Variants in TENM4 observed in about 807,000 individuals in gnomAD.
The protein encoded by TENM4 is teneurin transmembrane protein 4, also known as teneurin-4.
TENM4 carries 82 observed loss-of-function variants against 243.3 expected under a neutral mutation model. The observed-to-expected ratio is 0.34, with a 90% CI of 0.28 to 0.40. The LOEUF (loss-of-function observed/expected upper bound fraction) is 0.40. TENM4 is among the 10% of genes least tolerant of loss of function. TENM4 has a pLI of 1.00. For synonymous variants in TENM4, 1,412 were observed against 1,456.3 expected, an observed-to-expected ratio of 0.97 and a Z score of 0.69; for missense variants, 3,138 against 3,673.3, an observed-to-expected ratio of 0.85 and a Z score of 3.77.
At chr11:79,162,009 G>A (rs1404919047) in intron 3 of TENM4, among the ~76,000 whole-genome samples, 1 of 152,188 alleles carries the variant, frequency 6.6e-6, no homozygotes, top group African/African-American at 2.4e-5. Flanking sequence ...GTGGGAGAAG[G>A]AACCGGACCT....
At chr11:79,096,926 G>GCGCGCA (rs1680716275) in intron 4 of TENM4, 1 of 124,350 alleles carries the variant, frequency 8.0e-6, no homozygotes, top group African/African-American at 3.5e-5. Context: ...GCGCGCGCGC[G>GCGCGCA]CGCACACACA....
rs1858166273 is a variant in TENM4, at chr11:78,996,083, T to G, written c.493+68655A>C. Reference sequence around the variant, plus strand: ...TTTCCTTAGGAACAGCCTCAAAAACTAGGGGGAATGGCAGTGGATTTTAAA... The same window carrying G: ...TTTCCTTAGGAACAGCCTCAAAAACGAGGGGGAATGGCAGTGGATTTTAAA... On this transcript the variant is annotated intron_variant, in intron 6 of 33. Transcript: ENST00000278550. Among the ~76,000 whole-genome samples, 3 of 152,242 alleles carry G rather than the reference T, an allele frequency of 2.0e-5. No individual in the cohort carries two copies. The South Asian group carries it at 6.2e-4, about 32-fold the overall frequency.
chr11:79,207,533 G>T (rs1359182356), intron 3 of TENM4, among the ~76,000 whole-genome samples: 2 of 152,142 alleles, frequency 1.3e-5, no homozygotes, highest in African/African-American at 4.8e-5. Flanking sequence ...ACCAGAGCCT[G>T]AGCTCCCTGC....
chr11:78,747,776 T>C (rs759828793), intron 19 of TENM4, among the ~76,000 whole-genome samples: 4 of 152,262 alleles, frequency 2.6e-5, no homozygotes, highest in Non-Finnish European at 5.9e-5. Flanking sequence ...ATATTAGTAA[T>C]GTGAAACATG....
intron 1 of TENM4, among the ~76,000 whole-genome samples, chr11:79,436,786 T>C (rs1029434630): frequency 6.6e-6 from 1 of 152,172 alleles, no homozygotes; most frequent in African/African-American, 2.4e-5. Context: ...GAAAACAAGA[T>C]GAGAGCAGAG....
At position 79,226,664 on chromosome 11, in the gene TENM4, A is replaced by C. The variant is rs569127078; in HGVS notation, c.-264-10755T>G. ...CAAGATCCTAGCTCTTCTCTGAAGGACTAGGGACAGCAATGATACTCCTGA... is the reference window on the plus strand; with the variant it reads ...CAAGATCCTAGCTCTTCTCTGAAGGCCTAGGGACAGCAATGATACTCCTGA... On this transcript the variant is annotated intron_variant, in intron 2 of 33. Transcript: ENST00000278550. Among the ~76,000 whole-genome samples the C allele has an allele frequency of 3.9e-5, 6 of 152,302 alleles. No individual in the cohort carries two copies. In the South Asian group the frequency reaches 1.2e-3, roughly 32 times the overall value.
chr11:78,982,951 C>A (rs1270784053), intron 6 of TENM4, among the ~76,000 whole-genome samples: 1 of 152,202 alleles, frequency 6.6e-6, no homozygotes, highest in Non-Finnish European at 1.5e-5. Flanking sequence ...CAGTTACTGA[C>A]CACACAGTGG....
intron 3 of TENM4, among the ~76,000 whole-genome samples, chr11:79,202,503 C>G (rs1022482169): frequency 2.6e-5 from 4 of 152,222 alleles, no homozygotes; most frequent in Non-Finnish European, 5.9e-5. Context: ...TAAATAAACT[C>G]ACATAGTTCA....
Position 79,136,733 on chromosome 11 carries a change from C to T in TENM4, c.-66+11977G>A, listed in dbSNP as rs183589828. Among the ~76,000 whole-genome samples the T allele has an allele frequency of 2.0e-4, 31 of 152,256 alleles. 1 individual carries two copies. Among genetic ancestry groups the T allele is most frequent in the Admixed American group, 2.0e-3 (30 of 15,284 alleles). ...CCATGGACTCACAGAATGCCTTATC[C>T]ACTGTCATGGTATTCCACTCAGCAT... is the stretch of plus-strand genomic sequence containing the variant. On this transcript the variant is annotated intron_variant, in intron 4 of 33. Coordinates refer to ENST00000278550, the MANE Select transcript of TENM4 (RefSeq NM_001098816.3).
At chr11:79,251,804 G>GA (rs1424330904) in intron 2 of TENM4, among the ~76,000 whole-genome samples, 2 of 138,630 alleles carry the variant, frequency 1.4e-5, no homozygotes, top group Admixed American at 6.9e-5. Flanking sequence ...AATAAAACTC[G>GA]AAAAAATGAA....
Position 78,811,941 on chromosome 11 carries a change from G to A in TENM4, c.1978+181C>T, listed in dbSNP as rs140224204. Reference sequence around the variant, plus strand: ...TCTCCCCTTCATTGACCAGGACTCCGATGTGTTTGGCCTCTTCCTTTGGAT... The same window carrying A: ...TCTCCCCTTCATTGACCAGGACTCCAATGTGTTTGGCCTCTTCCTTTGGAT... On this transcript the variant is annotated intron_variant, in intron 14 of 33. Transcript: ENST00000278550. Among the ~76,000 whole-genome samples, 3 of 152,328 alleles carry A rather than the reference G, an allele frequency of 2.0e-5. No individual in the cohort carries two copies. The East Asian group carries it at 5.8e-4, about 29-fold the overall frequency.
intron 1 of TENM4, among the ~76,000 whole-genome samples, chr11:79,328,342 GTTC>G (rs1857007578): frequency 6.6e-6 from 1 of 152,112 alleles, no homozygotes; most frequent in South Asian, 2.1e-4. Flanking sequence ...CTCTAACATT[GTTC>G]TTCTTCCTTC....
chr11:79,371,465 A>G (rs1489216980), intron 1 of TENM4, among the ~76,000 whole-genome samples: 1 of 152,212 alleles, frequency 6.6e-6, no homozygotes, highest in Non-Finnish European at 1.5e-5. Context: ...GGGCCAAGAC[A>G]AGATCCTAAC....
chr11:79,073,004 G>C (rs1433405648), intron 4 of TENM4, among the ~76,000 whole-genome samples: 1 of 152,118 alleles, frequency 6.6e-6, no homozygotes, highest in Non-Finnish European at 1.5e-5. Flanking sequence ...CTGTGATATA[G>C]GTATTATGAT....
intron 6 of TENM4, among the ~76,000 whole-genome samples, chr11:79,040,112 C>A (rs902327047): frequency 7.9e-5 from 12 of 151,894 alleles, no homozygotes; most frequent in Admixed American, 2.0e-4. Flanking sequence ...TGTCTCTATT[C>A]CCTTTTTTCT....
intron 14 of TENM4, among the ~76,000 whole-genome samples, chr11:78,811,500 T>C (rs962072024): frequency 5.3e-5 from 8 of 152,114 alleles, no homozygotes; most frequent in African/African-American, 1.9e-4. Context: ...CCAGCCTCAA[T>C]CTATACAGCC....
In TENM4 at chr11:78,690,908, G is replaced by A. The variant is rs143777240; in HGVS notation, c.5088-2682C>T. On this transcript the variant is annotated intron_variant, in intron 28 of 33. Transcript: ENST00000278550. ...TAAAATAAGACTATTCACTTGGACT[G>A]TCTATTTTCCTGACCTAACCACATG... 4.5e-3 allele frequency among the ~76,000 whole-genome samples: 678 copies of A among 152,290 alleles called. 8 individuals carry two copies. Among genetic ancestry groups the A allele is most frequent in the African/African-American group, 0.016 (648 of 41,556 alleles).
intron 4 of TENM4, among the ~76,000 whole-genome samples, chr11:79,099,893 C>T (rs2512075): frequency 0.14 from 20,632 of 152,172 alleles, 1,873 homozygotes; most frequent in East Asian, 0.34. Context: ...GGGGTTTTAA[C>T]AGCTGTGGAG....
chr11:79,361,137 G>T (rs986307469), intron 1 of TENM4, among the ~76,000 whole-genome samples: 1 of 152,184 alleles, frequency 6.6e-6, no homozygotes, highest in Non-Finnish European at 1.5e-5. Flanking sequence ...ATGGGTGAAG[G>T]TATGAGATCC....
Sources: allele counts gnomAD v4.1 joint callset (sites outside exome capture counted in the v4.1 genomes callset), GRCh38; gene constraint gnomAD v4.1.1; transcripts MANE v1.5; gene names NCBI Gene and HGNC (gene_info 2026-07-23, HGNC 2026-07-21).